THSD7A: variants seen among roughly 807,000 people sequenced by gnomAD.
The protein encoded by THSD7A is thrombospondin type-1 domain-containing protein 7A.
THSD7A carries 96 observed loss-of-function variants against 231.3 expected under a neutral mutation model. The ratio of observed to expected loss-of-function variants is 0.41; its 90% CI spans 0.35 to 0.49. The LOEUF (loss-of-function observed/expected upper bound fraction) is 0.49, where lower values mean the gene tolerates loss of function less well. THSD7A is among the 20% of genes least tolerant of loss of function. THSD7A has a pLI of 0.05. For missense variants in THSD7A, 2,290 were observed against 2,070.2 expected (o/e 1.11, Z -2.06); for synonymous variants, 940 against 743.3 (o/e 1.26, Z -4.30).
At chr7:11,596,996 T>C (rs1474828818) in intron 2 of THSD7A, among the ~76,000 whole-genome samples, 5 of 152,240 alleles carry the variant, frequency 3.3e-5, no homozygotes, top group African/African-American at 1.2e-4. Flanking sequence ...TGTGTCATCA[T>C]CTTATTCAGA....
chr7:11,596,521 AG>A (rs1780365101), intron 2 of THSD7A, among the ~76,000 whole-genome samples: 1 of 152,170 alleles, frequency 6.6e-6, no homozygotes, highest in Non-Finnish European at 1.5e-5. Flanking sequence ...CCTGACTGGT[AG>A]GGTGAGGGCT....
At chr7:11,689,988 A>G (rs761716027) in intron 1 of THSD7A, among the ~76,000 whole-genome samples, 6 of 151,772 alleles carry the variant, frequency 4.0e-5, no homozygotes, top group Non-Finnish European at 7.4e-5. Context: ...TTTAGCTTCC[A>G]ACAAAGAATT....
chr7:11,765,448 G>A (rs1209324214), intron 1 of THSD7A, among the ~76,000 whole-genome samples: 1 of 152,156 alleles, frequency 6.6e-6, no homozygotes. Flanking sequence ...TGCCTATGAA[G>A]AATAACAAAT....
chr7:11,489,871 ATCTTTAGGTTTC>A (rs2128307223), intron 6 of THSD7A, among the ~76,000 whole-genome samples: 1 of 152,150 alleles, frequency 6.6e-6, no homozygotes, highest in Admixed American at 6.6e-5. Flanking sequence ...ATGATATATT[ATCTTTAGGTTTC>A]TCTTTTTTCC....
At chr7:11,467,307 G>A (rs1221415907) in intron 9 of THSD7A, among the ~76,000 whole-genome samples, 1 of 151,772 alleles carries the variant, frequency 6.6e-6, no homozygotes, top group African/African-American at 2.4e-5. Flanking sequence ...CCCTTCCTTA[G>A]AGCTCTTTGT....
chr7:11,414,208 G>A (rs548285608), intron 17 of THSD7A: 1 of 152,328 alleles, frequency 6.6e-6, no homozygotes, highest in African/African-American at 2.4e-5. Flanking sequence ...AGAAACCACT[G>A]ACCAAGGAGT....
chr7:11,417,421 T>C (rs766650047), intron 17 of THSD7A, 29 bp downstream of exon 17: 3 of 1,541,584 alleles, frequency 1.9e-6, no homozygotes, highest in South Asian at 2.5e-5. Flanking sequence ...AAATAAACTC[T>C]ACATTAATAA....
At chr7:11,733,390 TA>T (rs551649368) in intron 1 of THSD7A, among the ~76,000 whole-genome samples, 6 of 151,940 alleles carry the variant, frequency 3.9e-5, no homozygotes, top group Admixed American at 6.6e-5. Context: ...CATTTAATGT[TA>T]AAAATCCAGA....
chr7:11,785,416 T>A (rs4721011), intron 1 of THSD7A, among the ~76,000 whole-genome samples: 120,734 of 151,948 alleles, frequency 0.79, 48,210 homozygotes, highest in Middle Eastern at 0.89. Flanking sequence ...TCCTTCAAAT[T>A]TCCTTTCCAT....
At chr7:11,376,446 C>A in intron 27 of THSD7A, 124 bp downstream of exon 27, 1 of 771,218 alleles carries the variant, frequency 1.3e-6, no homozygotes, top group Non-Finnish European at 2.0e-6. Context: ...GGACTAAAGC[C>A]ATGTTTATTT....
chr7:11,582,783 T>C (rs538424999), intron 4 of THSD7A, among the ~76,000 whole-genome samples: 1 of 152,322 alleles, frequency 6.6e-6, no homozygotes, highest in South Asian at 2.1e-4. Flanking sequence ...TGCTAATTCC[T>C]TTGTAAATAA....
intron 6 of THSD7A, among the ~76,000 whole-genome samples, chr7:11,524,145 C>T (rs1336497477): frequency 6.6e-6 from 1 of 152,076 alleles, no homozygotes; most frequent in Non-Finnish European, 1.5e-5. Flanking sequence ...TGTTTAGTAA[C>T]CACCTGTATT....
intron 6 of THSD7A, among the ~76,000 whole-genome samples, chr7:11,525,478 C>T (rs10261326): frequency 0.21 from 32,215 of 151,820 alleles, 4,998 homozygotes; most frequent in African/African-American, 0.44. Flanking sequence ...TTACTACTTA[C>T]AAGTAATGGA....
intron 23 of THSD7A, among the ~76,000 whole-genome samples, chr7:11,393,981 A>T (rs1240229573): frequency 2.0e-5 from 3 of 152,080 alleles, no homozygotes; most frequent in Non-Finnish European, 4.4e-5. Flanking sequence ...ACCTAGCAAG[A>T]CAGGCCAACA....
chr7:11,390,057 AT>A (rs929622560), intron 23 of THSD7A, among the ~76,000 whole-genome samples: 6 of 151,960 alleles, frequency 3.9e-5, no homozygotes, highest in African/African-American at 1.2e-4. Context: ...TTTTTCGTTC[AT>A]TTCAACCTTT....
intron 10 of THSD7A, 103 bp from the exon 11 acceptor site, chr7:11,460,868 G>A (rs2128298195): frequency 2.4e-6 from 2 of 830,756 alleles, no homozygotes; most frequent in East Asian, 2.7e-5. Flanking sequence ...TGCAAACACA[G>A]TTATTTAGCA....
rs573397710 is a variant in THSD7A, at chr7:11,536,699, T to C, written c.1822+4720A>G. Reference sequence around the variant, plus strand: ...TCCCCCTTTTCTTACTGGTTTCTTCTGGGAGCACATCCTTAATAAGCTCGA... The same window carrying C: ...TCCCCCTTTTCTTACTGGTTTCTTCCGGGAGCACATCCTTAATAAGCTCGA... On this transcript the variant is annotated intron_variant, in intron 6 of 27. Transcript: ENST00000423059. Among the ~76,000 whole-genome samples the C allele has an allele frequency of 2.1e-3, 326 of 152,296 alleles. 5 individuals are homozygous for C. Among genetic ancestry groups the C allele is most frequent in the African/African-American group, 7.6e-3 (314 of 41,556 alleles).
At chr7:11,407,470 G>C (rs1562585671) in intron 19 of THSD7A, 47 bp from the exon 20 acceptor site, 1 of 1,414,140 alleles carries the variant, frequency 7.1e-7, no homozygotes, top group Non-Finnish European at 9.8e-7. Flanking sequence ...AATTGGGGGA[G>C]GGAGCCAGAG....
At chr7:11,435,543 C>G (rs1300515216) in intron 13 of THSD7A, among the ~76,000 whole-genome samples, 2 of 152,022 alleles carry the variant, frequency 1.3e-5, no homozygotes, top group South Asian at 4.1e-4. Context: ...TGAATAAAAA[C>G]TCTGGATACC....
Sources: allele counts gnomAD v4.1 joint callset (sites outside exome capture counted in the v4.1 genomes callset), GRCh38; gene constraint gnomAD v4.1.1; transcripts MANE v1.5; gene names NCBI Gene and HGNC (gene_info 2026-07-23, HGNC 2026-07-21).